Variants in SNURF observed in about 807,000 individuals in gnomAD.
The protein encoded by SNURF is SNURF protein.
SNURF carries 6 observed loss-of-function variants against 11.6 expected under a neutral mutation model. The observed-to-expected ratio is 0.52, with a 90% CI of 0.28 to 1.02. The LOEUF (loss-of-function observed/expected upper bound fraction) is 1.02. SNURF is among the 50% of genes least tolerant of loss of function. The pLI is 0.09. For synonymous variants in SNURF, 29 were observed against 31.6 expected (o/e 0.92, Z 0.27); for missense variants, 84 against 88.4 (o/e 0.95, Z 0.20).
chr15:24,970,782 C>T (rs2076300298), downstream of SNURF, among the ~76,000 whole-genome samples: 1 of 152,128 alleles, frequency 6.6e-6, no homozygotes, highest in South Asian at 2.1e-4. Context: ...CCATTAGTTT[C>T]TCAGTACCAC....
In SNURF at chr15:24,974,967, CAATAGA is replaced by C. The variant is rs1283751971; in HGVS notation, c.*46-386_*46-381del. 4.3e-6 allele frequency: 3 copies of C among 702,844 alleles called. No homozygotes were observed. The East Asian group carries it at 8.0e-5, about 19-fold the overall frequency. 43.5% of individuals were successfully genotyped at this position (702,844 alleles called of 1,614,324 possible). A position where few individuals can be genotyped will look rare whatever the true frequency, so the allele number is the denominator to read the frequency against. Reference sequence around the variant, plus strand: ...GATGATGGACTCTCAGGTCAGATTACAATAGAAATAAAGAGGGCTTTGAAAATGGAA... The same window carrying C: ...GATGATGGACTCTCAGGTCAGATTACAATAAAGAGGGCTTTGAAAATGGAA... On this transcript the variant is annotated intron_variant and NMD_transcript_variant, in intron 3 of 6. Transcript: ENST00000580062.
chr15:24,964,573 C>T (rs2075345801), intron 2 of SNURF, among the ~76,000 whole-genome samples: 2 of 152,120 alleles, frequency 1.3e-5, no homozygotes, highest in South Asian at 2.1e-4. Context: ...GCTAGGATTA[C>T]AGGTGTGAGC....
intron 1 of SNURF, among the ~76,000 whole-genome samples, chr15:24,957,967 C>A (rs1387610018): frequency 6.6e-6 from 1 of 152,072 alleles, no homozygotes; most frequent in African/African-American, 2.4e-5. Context: ...TTTTTGGAGG[C>A]AGGGAGTGGC....
At chr15:24,971,488 G>T, downstream of SNURF, among the ~76,000 whole-genome samples, 1 of 152,004 alleles carries the variant, frequency 6.6e-6, no homozygotes, top group East Asian at 1.9e-4. Flanking sequence ...AACTCCTATT[G>T]TGAGTAAAAC....
chr15:24,977,123 A>C, intron 6 of SNURF: 7 of 967,388 alleles, frequency 7.2e-6, no homozygotes, highest in Middle Eastern at 3.0e-4. Context: ...GTGTCATACA[A>C]TGTAAACAGC....
downstream of SNURF, among the ~76,000 whole-genome samples, chr15:24,972,124 C>T (rs1438168692): frequency 6.6e-6 from 1 of 151,786 alleles, no homozygotes; most frequent in African/African-American, 2.4e-5. Flanking sequence ...GGTGTGGTGG[C>T]GGGCGCCTGT....
chr15:24,956,530 G>T (rs2062933163), intron 1 of SNURF, among the ~76,000 whole-genome samples: 1 of 152,210 alleles, frequency 6.6e-6, no homozygotes, highest in South Asian at 2.1e-4. Flanking sequence ...CTTGGGAAAG[G>T]ATGCAGGTTG....
At chr15:24,977,654 T>C (rs1648404744) in intron 6 of SNURF, 3 of 940,516 alleles carry the variant, frequency 3.2e-6, no homozygotes, top group African/African-American at 3.4e-5. Flanking sequence ...AACATGGGAA[T>C]AATGAGAGAA....
chr15:24,977,656 A>C, intron 6 of SNURF: 1 of 966,628 alleles, frequency 1.0e-6, no homozygotes, highest in East Asian at 2.8e-5. Context: ...CATGGGAATA[A>C]TGAGAGAAGT....
chr15:24,966,494 G>A (rs1384633927), intron 2 of SNURF, among the ~76,000 whole-genome samples: 1 of 152,122 alleles, frequency 6.6e-6, no homozygotes, highest in Non-Finnish European at 1.5e-5. Context: ...ACTGAATTCA[G>A]TCAGCAACTC....
chr15:24,965,880 T>TA (rs1336339429), intron 2 of SNURF, among the ~76,000 whole-genome samples: 10 of 151,674 alleles, frequency 6.6e-5, no homozygotes, highest in Non-Finnish European at 1.2e-4. Context: ...TATTTTTTTT[T>TA]ACTGAAACAC....
intron 5 of SNURF, chr15:24,976,454 C>A: frequency 7.6e-7 from 1 of 1,310,962 alleles, no homozygotes; most frequent in Non-Finnish European, 1.1e-6. Context: ...CTTTAATTTG[C>A]AGGGACATCA....
At chr15:24,977,990 T>G (rs1395637685), downstream of SNURF, 8 of 1,403,988 alleles carry the variant, frequency 5.7e-6, no homozygotes, top group Admixed American at 1.9e-4. Context: ...AGACACAGCC[T>G]GAGAGCCTAA....
At chr15:24,973,622 A>G (rs1017100659), downstream of SNURF, among the ~76,000 whole-genome samples, 1 of 151,762 alleles carries the variant, frequency 6.6e-6, no homozygotes, top group African/African-American at 2.4e-5. Flanking sequence ...CTGGTCTCGA[A>G]CTCTTGACCT....
At chr15:24,976,784 G>A (rs2077112434) in intron 5 of SNURF, 3 of 1,155,106 alleles carry the variant, frequency 2.6e-6, no homozygotes, top group Middle Eastern at 2.8e-4. Flanking sequence ...TAGGTGTCAT[G>A]GGAAAATGGT....
At chr15:24,969,063 T>C (rs2076060749), downstream of SNURF, among the ~76,000 whole-genome samples, 1 of 152,198 alleles carries the variant, frequency 6.6e-6, no homozygotes, top group East Asian at 1.9e-4. Flanking sequence ...TTTAAGTCTG[T>C]TTTTGAAGTA....
chr15:24,955,069 T>C lies in SNURF; in HGVS notation c.14+7T>C. ...ACGCGATGGAGCGGGCAAGGTCAGC[T>C]GTGCCGGTGGCTTCTCTCAAGAGAC... On this transcript the variant is annotated splice_region_variant and intron_variant, in intron 1 of 2. Transcript: ENST00000577949. 1.2e-6 allele frequency: 2 copies of C among 1,613,570 alleles called. No individual in the cohort carries two copies. The highest frequency in any genetic ancestry group is 1.7e-6 in the Non-Finnish European group (2 of 1,180,016).
chr15:24,962,154 C>G, exon 2 of SNURF: 1 of 1,614,092 alleles, frequency 6.2e-7, no homozygotes, highest in Non-Finnish European at 8.5e-7. Flanking sequence ...ACAGCACGTA[C>G]CAGAGGTGGA....
downstream of SNURF, among the ~76,000 whole-genome samples, chr15:24,971,984 A>AGTGGC (rs1338494345): frequency 6.6e-6 from 1 of 152,172 alleles, no homozygotes; most frequent in African/African-American, 2.4e-5. Context: ...GGCTGGGCGC[A>AGTGGC]GTGGCTCATG....
Sources: gnomAD v4.1 joint callset for allele counts (sites outside exome capture counted in the v4.1 genomes callset) on GRCh38, gnomAD v4.1.1 for gene constraint, MANE v1.5 for transcripts, NCBI Gene and HGNC (gene_info 2026-07-23, HGNC 2026-07-21) for gene names.